Variants in VPS13B observed in about 807,000 individuals in gnomAD.
VPS13B encodes intermembrane lipid transfer protein VPS13B.
In VPS13B, 285 loss-of-function variants were observed where a neutral mutation model predicts 426.4. The ratio of observed to expected loss-of-function variants is 0.67; its 90% CI spans 0.61 to 0.74. The LOEUF (loss-of-function observed/expected upper bound fraction) is 0.74, where lower values mean the gene tolerates loss of function less well. Ranked by LOEUF, VPS13B falls within the 30% of genes least tolerant of loss-of-function variation. VPS13B has a pLI of 0.00. For synonymous variants in VPS13B, 1,676 were observed against 1,676.4 expected (o/e 1.00, Z 0.01); for missense variants, 4,537 against 4,782.6 (o/e 0.95, Z 1.51).
chr8:99,581,030 C>A (rs997137918), intron 33 of VPS13B, among the ~76,000 whole-genome samples: 3 of 144,952 alleles, frequency 2.1e-5, no homozygotes, highest in Non-Finnish European at 4.5e-5. Context: ...CACACACACA[C>A]AAATTAGGCA....
chr8:99,520,278 C>T (rs1217683151), intron 29 of VPS13B, among the ~76,000 whole-genome samples: 2 of 151,938 alleles, frequency 1.3e-5, no homozygotes, highest in African/African-American at 4.8e-5. Flanking sequence ...TCTAGAATAA[C>T]AGGTTGATAT....
intron 33 of VPS13B, among the ~76,000 whole-genome samples, chr8:99,591,356 A>G (rs1253336115): frequency 2.0e-5 from 3 of 151,892 alleles, no homozygotes; most frequent in African/African-American, 7.3e-5. Context: ...TTTACATTTA[A>G]GGTTAATATT....
intron 39 of VPS13B, among the ~76,000 whole-genome samples, chr8:99,737,254 G>A (rs1386310134): frequency 1.3e-5 from 2 of 150,592 alleles, no homozygotes; most frequent in African/African-American, 4.9e-5. Context: ...CCAAGTAGCT[G>A]GGATTACAGG....
At chr8:99,332,154 G>T (rs983736044) in intron 19 of VPS13B, among the ~76,000 whole-genome samples, 42 of 151,580 alleles carry the variant, frequency 2.8e-4, no homozygotes, top group Non-Finnish European at 7.4e-5. Flanking sequence ...CCAGTCTTAT[G>T]TTCTGACATC....
chr8:99,761,077 T>G (rs1278299765), intron 39 of VPS13B, among the ~76,000 whole-genome samples: 1 of 152,220 alleles, frequency 6.6e-6, no homozygotes, highest in Non-Finnish European at 1.5e-5. Flanking sequence ...AGTACGTGAC[T>G]TTTATACATG....
chr8:99,096,755 CAAAAAA>C (rs56378823), intron 4 of VPS13B, among the ~76,000 whole-genome samples: 3 of 116,786 alleles, frequency 2.6e-5, no homozygotes, highest in African/African-American at 9.7e-5. Flanking sequence ...TACTCTGTCT[CAAAAAA>C]AAAAAAAAAA....
At chr8:99,752,168 C>T (rs563148682) in intron 39 of VPS13B, among the ~76,000 whole-genome samples, 2 of 151,844 alleles carry the variant, frequency 1.3e-5, no homozygotes, top group East Asian at 3.9e-4. Flanking sequence ...CATAGCAAGA[C>T]TCCATCTCTA....
Position 99,868,428 on chromosome 8 carries a change from C to G in VPS13B, c.11355C>G (p.Ile3785Met), listed in dbSNP as rs865965849. 6.2e-7 allele frequency: 1 copy of G among 1,613,784 alleles called. No individual in the cohort carries two copies. The highest frequency in any genetic ancestry group is 8.5e-7 in the Non-Finnish European group (1 of 1,179,918). Reference protein sequence around the residue: ...KGIMGVFTKPIGGAAELVSQT... With the variant: ...KGIMGVFTKPMGGAAELVSQT... ...TCATGGGGGTGTTCACAAAGCCCAT[C>G]GGAGGAGCTGCTGAGCTGGTGTCAC... The change falls in exon 59 of 62, where the codon ATC becomes ATG. Residue 3785 changes from isoleucine (I) to methionine (M), a missense_variant. Ile to Met is a conservative substitution (Grantham distance 10). Coordinates refer to ENST00000357162, the MANE Select transcript of VPS13B (RefSeq NM_152564.5).
rs1817596390 is a variant in VPS13B at position 99,874,536 on chromosome 8, G to C, written c.11746-882G>C. 2.0e-5 allele frequency among the ~76,000 whole-genome samples: 3 copies of C among 152,110 alleles called. No individual in the cohort carries two copies. In the South Asian group the frequency reaches 6.2e-4, roughly 32 times the overall value. ...TTTCTTTACCACTTCTTCCAGAGTA[G>C]TCTTGCCAATGTTCAGTAGGCAAAA... On this transcript the variant is annotated intron_variant, in intron 61 of 61. Coordinates refer to ENST00000357162, the MANE Select transcript of VPS13B (RefSeq NM_152564.5).
At chr8:99,745,551 A>G (rs1482055329) in intron 39 of VPS13B, among the ~76,000 whole-genome samples, 2 of 152,220 alleles carry the variant, frequency 1.3e-5, no homozygotes, top group East Asian at 3.9e-4. Context: ...ACTTTATCAT[A>G]GGTATGCATG....
intron 58 of VPS13B, among the ~76,000 whole-genome samples, chr8:99,862,800 G>A (rs185279548): frequency 6.6e-6 from 1 of 152,322 alleles, no homozygotes; most frequent in African/African-American, 2.4e-5. Context: ...ACTGCAGCTA[G>A]CTGAGGCTCT....
chr8:99,579,695 G>C (rs1184483708), intron 33 of VPS13B, among the ~76,000 whole-genome samples: 1 of 137,294 alleles, frequency 7.3e-6, no homozygotes, highest in African/African-American at 2.7e-5. Flanking sequence ...ACCGCGCCTG[G>C]CCTTTCTTTC....
chr8:99,088,601 T>A (rs1049830671), intron 3 of VPS13B, among the ~76,000 whole-genome samples: 3 of 152,228 alleles, frequency 2.0e-5, no homozygotes, highest in African/African-American at 7.2e-5. Flanking sequence ...TCCCTCATTA[T>A]TTAATTTCTA....
intron 29 of VPS13B, among the ~76,000 whole-genome samples, chr8:99,516,787 CAAAAAAAAA>C (rs528490868): frequency 2.9e-3 from 49 of 16,702 alleles, no homozygotes; most frequent in Admixed American, 4.5e-3. Context: ...GACCGTGTCT[CAAAAAAAAA>C]AAAAAAAAAA....
At chr8:99,499,087 A>G (rs113524681) in intron 25 of VPS13B, among the ~76,000 whole-genome samples, 232 of 152,258 alleles carry the variant, frequency 1.5e-3, no homozygotes, top group African/African-American at 5.2e-3. Flanking sequence ...TAGGAAAATA[A>G]ACTTAGCATT....
intron 3 of VPS13B, among the ~76,000 whole-genome samples, chr8:99,051,465 A>G (rs902791776): frequency 4.6e-4 from 70 of 151,678 alleles, no homozygotes; most frequent in African/African-American, 1.7e-3. Context: ...AGGTAGCATG[A>G]TGCCTCCAGC....
chr8:99,246,420 C>T (rs1042375946), intron 17 of VPS13B, among the ~76,000 whole-genome samples: 8 of 152,090 alleles, frequency 5.3e-5, no homozygotes, highest in East Asian at 1.9e-4. Context: ...GTTTTTGATT[C>T]GAATGCAGTA....
intron 31 of VPS13B, among the ~76,000 whole-genome samples, chr8:99,570,936 T>C (rs1237434793): frequency 1.3e-5 from 2 of 152,174 alleles, no homozygotes; most frequent in African/African-American, 4.8e-5. Context: ...ACTTAATACA[T>C]GTAGGATATT....
At chr8:99,398,393 G>C (rs537290084) in intron 21 of VPS13B, among the ~76,000 whole-genome samples, 1 of 152,334 alleles carries the variant, frequency 6.6e-6, no homozygotes, top group South Asian at 2.1e-4. Context: ...AGAAGAAGGT[G>C]CATGACATGC....
Sources: gnomAD v4.1 joint callset for allele counts (sites outside exome capture counted in the v4.1 genomes callset) on GRCh38, gnomAD v4.1.1 for gene constraint, MANE v1.5 for transcripts, NCBI Gene and HGNC (gene_info 2026-07-23, HGNC 2026-07-21) for gene names.